The following SIM1 variants were observed in gnomAD, a reference collection of about 807,000 sequenced individuals.
SIM1 encodes SIM bHLH transcription factor 1, also known as single-minded homolog 1.
SIM1 carries 18 observed loss-of-function variants against 78.2 expected under a neutral mutation model. The ratio of observed to expected loss-of-function variants is 0.23; its 90% CI spans 0.16 to 0.34. The LOEUF (loss-of-function observed/expected upper bound fraction) is 0.34, where lower values mean the gene tolerates loss of function less well. Ranked by LOEUF, SIM1 falls within the 10% of genes least tolerant of loss-of-function variation. The pLI, the probability that SIM1 is intolerant of heterozygous loss-of-function variation, is 1.00. For missense variants in SIM1, 939 were observed against 975.1 expected (o/e 0.96, Z 0.49); for synonymous variants, 417 against 385.2 (o/e 1.08, Z -0.97).
At chr6:100,452,977 G>C (rs936689518) in intron 3 of SIM1, among the ~76,000 whole-genome samples, 5 of 152,166 alleles carry the variant, frequency 3.3e-5, no homozygotes, top group African/African-American at 1.2e-4. Flanking sequence ...TAGGTTCAAG[G>C]CTTCCAGGAG....
intron 9 of SIM1, among the ~76,000 whole-genome samples, chr6:100,442,083 C>A (rs1772234153): frequency 6.6e-6 from 1 of 152,264 alleles, no homozygotes; most frequent in East Asian, 1.9e-4. Flanking sequence ...AATCTCCGAC[C>A]CAACCACTGT....
At chr6:100,451,511 A>G (rs939446270) in intron 3 of SIM1, among the ~76,000 whole-genome samples, 1 of 152,212 alleles carries the variant, frequency 6.6e-6, no homozygotes, top group African/African-American at 2.4e-5. Flanking sequence ...GGAGAATAGC[A>G]TGCTTAGATG....
rs1223472839 is a variant in SIM1, at chr6:100,463,477, G to T, written c.-9C>A. 2.5e-6 allele frequency: 4 copies of T among 1,594,142 alleles called. No individual in the cohort carries two copies. The highest frequency in any genetic ancestry group is 3.4e-6 in the Non-Finnish European group (4 of 1,164,134). On this transcript the variant is annotated 5_prime_UTR_variant, in exon 2 of 12. Transcript: ENST00000369208. ...TTGGACTTTTCTTTCATTGTGTCTT[G>T]TTCCCCCTTTCTTCTCACAACTTAA... is the stretch of plus-strand genomic sequence containing the variant.
Position 100,420,812 on chromosome 6 carries a change from G to C in SIM1, c.1145C>G (p.Ser382Cys), listed in dbSNP as rs774273867. 5.6e-6 allele frequency: 9 copies of C among 1,614,028 alleles called. No homozygotes were observed. Among genetic ancestry groups the C allele is most frequent in the Non-Finnish European group, 7.6e-6 (9 of 1,180,036 alleles). Residue 382 changes from serine to cysteine, a missense_variant, in exon 10 of 12, where the codon TCC becomes TGC. Transcript: ENST00000369208. ...KSRLSSSKSKSRTSPYPQYSG... is the reference protein window; with the variant it reads ...KSRLSSSKSKCRTSPYPQYSG... ...TACCTGAGGGTATGGGGAAGTCCTG[G>C]ATTTTGACTTTGAGCTGGAGAGCCG... is the stretch of plus-strand genomic sequence containing the variant.
chr6:100,413,113 G>T (rs1489041140), intron 10 of SIM1, among the ~76,000 whole-genome samples: 1 of 152,082 alleles, frequency 6.6e-6, no homozygotes. Flanking sequence ...ACACCACCAC[G>T]TTCCTTTATC....
At chr6:100,397,013 G>A (rs192763199) in intron 10 of SIM1, among the ~76,000 whole-genome samples, 1 of 152,176 alleles carries the variant, frequency 6.6e-6, no homozygotes, top group Admixed American at 6.5e-5. Flanking sequence ...TTTGATTCCT[G>A]TGCCTGTCCC....
chr6:100,393,578 G>T lies in SIM1; in HGVS notation c.1479C>A (p.Arg493=), dbSNP rs928670652. 6.8e-6 allele frequency: 11 copies of T among 1,613,496 alleles called. No individual in the cohort carries two copies. The highest frequency in any genetic ancestry group is 9.3e-6 in the Non-Finnish European group (11 of 1,179,494). ...QAGREPWWGS[R]AALPLTKASP... is the part of the protein sequence containing the mutation. ...AGGCCTTTGTCAGGGGCAAGGCTGC[G>T]CGAGAGCCCCACCAGGGCTCCCTCC... The change falls in exon 11 of 12, where the codon CGC becomes CGA. Residue 493 remains arginine (R), a synonymous_variant. Transcript: ENST00000369208.
intron 9 of SIM1, among the ~76,000 whole-genome samples, chr6:100,438,238 T>C (rs423816): frequency 0.9 from 136,356 of 152,028 alleles, 61,360 homozygotes; most frequent in East Asian, 0.98. Context: ...TATTCAAAAT[T>C]TTCAAGGATC....
intron 10 of SIM1, among the ~76,000 whole-genome samples, chr6:100,410,883 G>A (rs1771172682): frequency 6.6e-6 from 1 of 152,184 alleles, no homozygotes; most frequent in South Asian, 2.1e-4. Context: ...AAGACAGTGA[G>A]GAGGGAACAA....
intron 9 of SIM1, among the ~76,000 whole-genome samples, chr6:100,446,852 T>G: frequency 6.6e-6 from 1 of 152,218 alleles, no homozygotes; most frequent in South Asian, 2.1e-4. Context: ...AGACTCTGGT[T>G]AAAATTAAGA....
chr6:100,425,482 A>G (rs960673276), intron 9 of SIM1, among the ~76,000 whole-genome samples: 1 of 152,014 alleles, frequency 6.6e-6, no homozygotes, highest in Non-Finnish European at 1.5e-5. Flanking sequence ...TCTGTTCAAA[A>G]CTCCAACAGC....
intron 2 of SIM1, among the ~76,000 whole-genome samples, chr6:100,455,653 G>A (rs1465232385): frequency 6.6e-6 from 1 of 152,214 alleles, no homozygotes; most frequent in Non-Finnish European, 1.5e-5. Flanking sequence ...GGCGCTCTGG[G>A]GCCTACGGAG....
At chr6:100,427,640 T>C (rs3778033) in intron 9 of SIM1, among the ~76,000 whole-genome samples, 29,124 of 152,148 alleles carry the variant, frequency 0.19, 3,153 homozygotes, top group East Asian at 0.44. Flanking sequence ...ATAACAGAGA[T>C]TGTGTAATAC....
intron 10 of SIM1, among the ~76,000 whole-genome samples, chr6:100,416,056 A>G (rs1445737443): frequency 2.6e-5 from 4 of 152,178 alleles, no homozygotes; most frequent in Non-Finnish European, 5.9e-5. Context: ...CTCCCAGATA[A>G]GCACAACAAA....
intron 9 of SIM1, chr6:100,427,045 T>C (rs1771750840): frequency 6.6e-6 from 1 of 152,250 alleles, no homozygotes; most frequent in South Asian, 2.1e-4. Flanking sequence ...GACTGCGCCT[T>C]ACAGTAAACT....
chr6:100,408,350 C>T (rs1028050564), intron 10 of SIM1, among the ~76,000 whole-genome samples: 2 of 151,910 alleles, frequency 1.3e-5, no homozygotes, highest in African/African-American at 4.8e-5. Context: ...ATTATTATAG[C>T]TTTGTATAAT....
chr6:100,409,342 G>A (rs1023614821), intron 10 of SIM1, among the ~76,000 whole-genome samples: 1 of 152,012 alleles, frequency 6.6e-6, no homozygotes, highest in Admixed American at 6.6e-5. Flanking sequence ...TTGTTCATAG[G>A]GGTCTCTTAT....
At chr6:100,399,553 T>C (rs1421388826) in intron 10 of SIM1, among the ~76,000 whole-genome samples, 1 of 152,116 alleles carries the variant, frequency 6.6e-6, no homozygotes, top group Non-Finnish European at 1.5e-5. Context: ...GTTGTGACAT[T>C]GTACTACAGC....
intron 10 of SIM1, among the ~76,000 whole-genome samples, chr6:100,397,554 C>T (rs931042528): frequency 4.6e-5 from 7 of 151,832 alleles, no homozygotes; most frequent in African/African-American, 9.7e-5. Context: ...AATGCAAAAC[C>T]TAAGATTATA....
Sources: gnomAD v4.1 joint callset for allele counts (sites outside exome capture counted in the v4.1 genomes callset) on GRCh38, gnomAD v4.1.1 for gene constraint, MANE v1.5 for transcripts, NCBI Gene and HGNC (gene_info 2026-07-23, HGNC 2026-07-21) for gene names.